Variants in PARP11 observed in about 807,000 individuals in gnomAD.
PARP11 encodes the protein protein mono-ADP-ribosyltransferase PARP11.
Under a neutral mutation model 42.9 loss-of-function variants are expected in PARP11, and 31 were observed. That is an observed-to-expected ratio of 0.72 (90% CI 0.54 to 0.98). The LOEUF (loss-of-function observed/expected upper bound fraction) is 0.98. Ranked by LOEUF, PARP11 falls within the 50% of genes least tolerant of loss-of-function variation. The probability of loss-of-function intolerance (pLI) is 0.00; values close to 1 mark genes in which losing one functional copy is unlikely to be tolerated. For missense variants in PARP11, 365 were observed against 413.1 expected (o/e 0.88, Z 1.01); for synonymous variants, 137 against 127.3 (o/e 1.08, Z -0.51).
intron 1 of PARP11, among the ~76,000 whole-genome samples, chr12:3,857,800 T>A (rs1448988381): frequency 6.6e-6 from 1 of 152,154 alleles, no homozygotes; most frequent in Non-Finnish European, 1.5e-5. Flanking sequence ...CAGCTGAAAT[T>A]CCCATAAAAA....
At chr12:3,866,613 A>T (rs1220368684) in intron 1 of PARP11, among the ~76,000 whole-genome samples, 2 of 152,192 alleles carry the variant, frequency 1.3e-5, no homozygotes, top group African/African-American at 4.8e-5. Context: ...CATAGTTAGC[A>T]TTTACTTAAA....
chr12:3,850,730 A>G (rs930774019), intron 1 of PARP11, among the ~76,000 whole-genome samples: 1 of 152,178 alleles, frequency 6.6e-6, no homozygotes, highest in Non-Finnish European at 1.5e-5. Context: ...GATAACAGTG[A>G]TAAGAAAAAA....
At chr12:3,849,567 CA>C (rs545678836) in intron 1 of PARP11, among the ~76,000 whole-genome samples, 161 of 152,240 alleles carry the variant, frequency 1.1e-3, no homozygotes, top group African/African-American at 3.7e-3. Flanking sequence ...AGACAAATAT[CA>C]CCTGTTCTCA....
At chr12:3,828,129 T>C (rs1451675249) in intron 3 of PARP11, among the ~76,000 whole-genome samples, 1 of 152,176 alleles carries the variant, frequency 6.6e-6, no homozygotes, top group Non-Finnish European at 1.5e-5. Flanking sequence ...CAGAAGGCAA[T>C]GTCCATTAAA....
chr12:3,837,374 C>G (rs1947789142), intron 1 of PARP11, among the ~76,000 whole-genome samples: 1 of 152,178 alleles, frequency 6.6e-6, no homozygotes, highest in African/African-American at 2.4e-5. Context: ...TCTCTAATCT[C>G]TCTATAGTAC....
chr12:3,852,700 AAC>A (rs1219998573), intron 1 of PARP11, among the ~76,000 whole-genome samples: 2 of 152,224 alleles, frequency 1.3e-5, no homozygotes, highest in Admixed American at 6.5e-5. Context: ...CCAAGCTAGA[AAC>A]ACTCTTCAGG....
chr12:3,869,705 C>A (rs1034351109), intron 1 of PARP11, among the ~76,000 whole-genome samples: 4 of 152,206 alleles, frequency 2.6e-5, no homozygotes, highest in African/African-American at 9.7e-5. Flanking sequence ...ATTAGCTCCC[C>A]CTACACTGTC....
At chr12:3,813,400 T>C (rs921713915) in intron 7 of PARP11, among the ~76,000 whole-genome samples, 2 of 152,132 alleles carry the variant, frequency 1.3e-5, no homozygotes, top group South Asian at 2.1e-4. Flanking sequence ...TGCCTACACA[T>C]GAAAACTCGA....
At position 3,810,791 on chromosome 12, in the gene PARP11, AGAG is replaced by A. The variant is rs1247396876; in HGVS notation, c.*1329_*1331del. 1.3e-5 allele frequency: 2 copies of A among 152,042 alleles called. No individual in the cohort carries two copies. The highest frequency in any genetic ancestry group is 4.8e-5 in the African/African-American group (2 of 41,238). 9.4% of individuals were successfully genotyped at this position (152,042 alleles called of 1,614,324 possible). On this transcript the variant is annotated 3_prime_UTR_variant, in exon 8 of 8. Transcript: ENST00000228820. ...GGAAGAGGAGAGGAAGAGAAGAGGA[AGAG>A]GAAGACAGAAGAGAAGAGAAAGAAG...
Position 3,873,297 on chromosome 12 carries a change from T to A in PARP11, c.-68A>T, listed in dbSNP as rs1169663367. 4 of 1,471,014 alleles carry A rather than the reference T, an allele frequency of 2.7e-6. No homozygotes were observed. In the East Asian group the frequency reaches 7.5e-5, roughly 28 times the overall value. 91.1% of individuals were successfully genotyped at this position (1,471,014 alleles called of 1,614,324 possible). ...TAGCCGCGGGGCCTGGGTGTTGGAT[T>A]TTTTTTTTTCCCGCGGGTCCCCGGG... is the stretch of plus-strand genomic sequence containing the variant. On this transcript the variant is annotated 5_prime_UTR_variant, in exon 1 of 8. Transcript: ENST00000228820.
rs1050911934 is a variant in PARP11 at position 3,872,752 on chromosome 12, G to A, written c.18+460C>T. The A allele has an allele frequency of 7.1e-6, 7 of 985,332 alleles. No homozygotes were observed. The African/African-American group carries it at 1.0e-4, about 15-fold the overall frequency. The allele number at this position is 985,332 out of a possible 1,614,324, so 61.0% of individuals were successfully genotyped here. A position where few individuals can be genotyped will look rare whatever the true frequency, so the allele number is the denominator to read the frequency against. ...AACCTGAGGCAAATGACTGACTACA[G>A]GTTCCAAGGCCAGTTACTCCAATTA... is the stretch of plus-strand genomic sequence containing the variant. On this transcript the variant is annotated intron_variant, in intron 1 of 7. Transcript: ENST00000228820.
chr12:3,821,451 A>T (rs572568851), intron 6 of PARP11, among the ~76,000 whole-genome samples: 1 of 152,352 alleles, frequency 6.6e-6, no homozygotes, highest in South Asian at 2.1e-4. Flanking sequence ...CTAAGCAGGA[A>T]ATTTGAAGGT....
chr12:3,848,792 A>G (rs1948044404), intron 1 of PARP11, among the ~76,000 whole-genome samples: 1 of 152,130 alleles, frequency 6.6e-6, no homozygotes, highest in Non-Finnish European at 1.5e-5. Context: ...CAAAGCAAAA[A>G]TGGATCACTG....
chr12:3,836,543 G>A (rs1377929436), intron 1 of PARP11, among the ~76,000 whole-genome samples: 1 of 152,112 alleles, frequency 6.6e-6, no homozygotes, highest in Non-Finnish European at 1.5e-5. Context: ...AAAAAGAAAA[G>A]AGCGCTGGTA....
At chr12:3,854,740 A>G (rs1948162314) in intron 1 of PARP11, among the ~76,000 whole-genome samples, 1 of 152,172 alleles carries the variant, frequency 6.6e-6, no homozygotes, top group African/African-American at 2.4e-5. Context: ...AAACTATTCC[A>G]ATCAACAGAA....
chr12:3,826,181 G>T lies in PARP11; in HGVS notation c.321C>A (p.Ala107=). ...TTGKQRLIKR[A]PFSISAFSYI... ...ACCTGAAAGCACTGATAGAAAAGGG[G>T]GCTCTTTTTATTAAGCGCTGCTTTC... The change falls in exon 4 of 8, where the codon GCC becomes GCA. Residue 107 remains alanine (A), a synonymous_variant. Coordinates refer to ENST00000228820, the MANE Select transcript of PARP11 (RefSeq NM_020367.6). 6.3e-7 allele frequency: 1 copy of T among 1,596,842 alleles called. No individual in the cohort carries two copies. Among genetic ancestry groups the T allele is most frequent in the Non-Finnish European group, 8.5e-7 (1 of 1,174,480 alleles).
intron 1 of PARP11, among the ~76,000 whole-genome samples, chr12:3,868,113 C>A (rs963325743): frequency 6.3e-4 from 93 of 148,038 alleles, no homozygotes; most frequent in African/African-American, 2.1e-3. Context: ...TAAGAAGCTG[C>A]AAAAAAAAAA....
At chr12:3,871,202 G>A (rs1948471631) in intron 1 of PARP11, among the ~76,000 whole-genome samples, 1 of 152,150 alleles carries the variant, frequency 6.6e-6, no homozygotes, top group South Asian at 2.1e-4. Context: ...ACTGATTATA[G>A]GAAATTATTG....
At chr12:3,858,363 G>A (rs1345686156) in intron 1 of PARP11, among the ~76,000 whole-genome samples, 2 of 152,146 alleles carry the variant, frequency 1.3e-5, no homozygotes, top group African/African-American at 4.8e-5. Context: ...ACAACATGAT[G>A]AAAACATGTG....
Sources: allele counts gnomAD v4.1 joint callset (sites outside exome capture counted in the v4.1 genomes callset), GRCh38; gene constraint gnomAD v4.1.1; transcripts MANE v1.5; gene names NCBI Gene and HGNC (gene_info 2026-07-23, HGNC 2026-07-21).